The following CHST9 variants were observed in gnomAD, a reference collection of about 807,000 sequenced individuals.
CHST9 encodes GalNAc-4-sulfotransferase 2.
In CHST9, 41 loss-of-function variants were observed where a neutral mutation model predicts 44.4. That is an observed-to-expected ratio of 0.92 (90% CI 0.72 to 1.20). The LOEUF (loss-of-function observed/expected upper bound fraction) is 1.20, where lower values mean the gene tolerates loss of function less well. Among genes scored for constraint, CHST9 ranks in the 50% most tolerant of loss-of-function variants. The pLI, the probability that CHST9 is intolerant of heterozygous loss-of-function variation, is 0.00. For synonymous variants in CHST9, 171 were observed against 178.4 expected (o/e 0.96, Z 0.33); for missense variants, 504 against 516.5 (o/e 0.98, Z 0.23).
intron 1 of CHST9, among the ~76,000 whole-genome samples, chr18:27,148,965 T>C (rs562175927): frequency 1.5e-5 from 2 of 132,590 alleles, no homozygotes; most frequent in African/African-American, 5.4e-5. Flanking sequence ...TGGTGTGAGA[T>C]GGTATCTCAT....
chr18:27,167,264 T>C (rs541144687), intron 1 of CHST9, among the ~76,000 whole-genome samples: 47 of 152,312 alleles, frequency 3.1e-4, no homozygotes, highest in Non-Finnish European at 5.3e-4. Flanking sequence ...TCAAGATCCT[T>C]ATTTAAAGTG....
intron 2 of CHST9, among the ~76,000 whole-genome samples, chr18:27,074,773 A>G (rs2057881957): frequency 6.7e-6 from 1 of 149,646 alleles, no homozygotes; most frequent in South Asian, 2.1e-4. Flanking sequence ...AATATGTTAC[A>G]TTTATATGTA....
chr18:27,117,867 G>C (rs928476553), intron 2 of CHST9, among the ~76,000 whole-genome samples: 1 of 152,138 alleles, frequency 6.6e-6, no homozygotes, highest in Admixed American at 6.5e-5. Context: ...TTGTGTGTAT[G>C]TTTTGCATAG....
At chr18:27,085,470 A>T (rs538822871) in intron 2 of CHST9, among the ~76,000 whole-genome samples, 1 of 152,188 alleles carries the variant, frequency 6.6e-6, no homozygotes, top group Non-Finnish European at 1.5e-5. Flanking sequence ...AGACATGAAC[A>T]GACACTTCTC....
At chr18:27,100,743 C>A (rs1198617925) in intron 2 of CHST9, among the ~76,000 whole-genome samples, 6 of 152,114 alleles carry the variant, frequency 3.9e-5, no homozygotes, top group African/African-American at 2.4e-5. Context: ...ATATGGGCAA[C>A]AAATAAATCA....
At chr18:27,004,948 G>C (rs2056998141) in intron 4 of CHST9, among the ~76,000 whole-genome samples, 1 of 152,100 alleles carries the variant, frequency 6.6e-6, no homozygotes, top group African/African-American at 2.4e-5. Context: ...CCTCTGTTAA[G>C]TTATATGAAG....
chr18:27,052,198 A>C lies in CHST9; in HGVS notation c.122-3695T>G, dbSNP rs192831851. Among the ~76,000 whole-genome samples, 25 of 152,096 alleles carry C rather than the reference A, an allele frequency of 1.6e-4. 1 individual carries two copies. Among genetic ancestry groups the C allele is most frequent in the Admixed American group, 1.4e-3 (22 of 15,246 alleles). On this transcript the variant is annotated intron_variant, in intron 2 of 5. Coordinates refer to ENST00000618847, the MANE Select transcript of CHST9 (RefSeq NM_031422.6). ...TATCATGAATTAGTCCTGTTACAGG[A>C]ATCTACTTAGATTTCTTAGTTATAT...
intron 1 of CHST9, among the ~76,000 whole-genome samples, chr18:27,173,025 A>G (rs1367626694): frequency 6.6e-6 from 1 of 152,008 alleles, no homozygotes; most frequent in African/African-American, 2.4e-5. Context: ...ATATTATATC[A>G]TATGCTTTTA....
At chr18:27,109,840 A>C (rs977114774) in intron 2 of CHST9, among the ~76,000 whole-genome samples, 10 of 151,930 alleles carry the variant, frequency 6.6e-5, no homozygotes, top group Non-Finnish European at 1.3e-4. Flanking sequence ...TTCTCTTCAT[A>C]ATCAGGGATG....
chr18:27,110,041 CAG>C (rs1467465209), intron 2 of CHST9, among the ~76,000 whole-genome samples: 1 of 151,970 alleles, frequency 6.6e-6, no homozygotes, highest in Non-Finnish European at 1.5e-5. Context: ...TGGAGAAAGA[CAG>C]AGCTTTTGTC....
intron 4 of CHST9, among the ~76,000 whole-genome samples, chr18:26,956,305 C>T (rs1202899627): frequency 8.4e-6 from 1 of 118,598 alleles, no homozygotes; most frequent in Non-Finnish European, 1.6e-5. Context: ...GAGTGAGACT[C>T]TGTCTCAAAA....
intron 2 of CHST9, among the ~76,000 whole-genome samples, chr18:27,103,808 C>T (rs1453595389): frequency 6.6e-6 from 1 of 152,116 alleles, no homozygotes; most frequent in East Asian, 1.9e-4. Flanking sequence ...ACCAACCACA[C>T]AATTGGAATT....
At chr18:27,092,513 C>G (rs2058079019) in intron 2 of CHST9, among the ~76,000 whole-genome samples, 2 of 151,954 alleles carry the variant, frequency 1.3e-5, no homozygotes, top group African/African-American at 4.8e-5. Context: ...GCGCTTGCTT[C>G]TCTAGTTCTT....
At chr18:27,091,939 A>G (rs1159905125) in intron 2 of CHST9, among the ~76,000 whole-genome samples, 1 of 152,190 alleles carries the variant, frequency 6.6e-6, no homozygotes, top group East Asian at 1.9e-4. Flanking sequence ...AGGCTTTGGT[A>G]TCAGGATGAT....
At chr18:26,987,150 A>G (rs1470965043) in intron 4 of CHST9, among the ~76,000 whole-genome samples, 1 of 152,180 alleles carries the variant, frequency 6.6e-6, no homozygotes, top group Non-Finnish European at 1.5e-5. Context: ...GCTTGGTGCT[A>G]TTCTCATGAC....
Position 27,031,875 on chromosome 18 carries a change from T to C in CHST9, c.161-7718A>G, listed in dbSNP as rs184726724. ...TCTGAACTACAGCAGGCATTGCTCG[T>C]TGGGAGGAAGGCAACGGCACAGGCA... On this transcript the variant is annotated intron_variant, in intron 3 of 5. Coordinates refer to ENST00000618847, the MANE Select transcript of CHST9 (RefSeq NM_031422.6). Among the ~76,000 whole-genome samples, 5 of 152,328 alleles carry C rather than the reference T, an allele frequency of 3.3e-5. No individual in the cohort carries two copies. In the East Asian group the frequency reaches 7.7e-4, roughly 24 times the overall value.
At chr18:27,083,593 G>T (rs527288974) in intron 2 of CHST9, among the ~76,000 whole-genome samples, 1 of 152,068 alleles carries the variant, frequency 6.6e-6, no homozygotes, top group East Asian at 1.9e-4. Flanking sequence ...TGACCAATTT[G>T]CCATTTTATC....
intron 4 of CHST9, among the ~76,000 whole-genome samples, chr18:26,950,592 G>T (rs1340472099): frequency 6.6e-6 from 1 of 152,178 alleles, no homozygotes; most frequent in Non-Finnish European, 1.5e-5. Context: ...GGAGCTAGAG[G>T]CCATTATCCT....
intron 4 of CHST9, among the ~76,000 whole-genome samples, chr18:26,974,905 C>T (rs535867288): frequency 7.9e-5 from 12 of 152,132 alleles, no homozygotes; most frequent in South Asian, 2.1e-4. Flanking sequence ...TGAACTCTGA[C>T]CTCAAATGAT....
Sources: allele counts gnomAD v4.1 joint callset (sites outside exome capture counted in the v4.1 genomes callset), GRCh38; gene constraint gnomAD v4.1.1; transcripts MANE v1.5; gene names NCBI Gene and HGNC (gene_info 2026-07-23, HGNC 2026-07-21).